GPR137B: variants seen among roughly 807,000 people sequenced by gnomAD.
The protein encoded by GPR137B is G protein-coupled receptor 137B.
GPR137B carries 42 observed loss-of-function variants against 42.5 expected under a neutral mutation model. The observed-to-expected ratio is 0.99, with a 90% CI of 0.77 to 1.28. The LOEUF is 1.28. GPR137B is among the 50% of genes most tolerant of loss of function. The pLI is 0.00. For missense variants in GPR137B, 487 were observed against 493.9 expected (o/e 0.99, Z 0.13); for synonymous variants, 218 against 209.7 (o/e 1.04, Z -0.34).
chr1:236,142,778 C>T lies in GPR137B; in HGVS notation c.156C>T (p.Phe52=). Residue 52 remains phenylalanine (F), a synonymous_variant, in exon 1 of 7, where the codon TTC becomes TTT. Coordinates refer to ENST00000366592, the MANE Select transcript of GPR137B (RefSeq NM_003272.4). ...GCCTCACCGTCGTCTACACCGTGTT[C>T]TACGCGCTGCTCTTCGTGTTCATCT... ...KLGLTVVYTV[F]YALLFVFIYV... 7 of 1,613,904 alleles carry T rather than the reference C, an allele frequency of 4.3e-6. No homozygotes were observed. Among genetic ancestry groups the T allele is most frequent in the Non-Finnish European group, 5.9e-6 (7 of 1,179,992 alleles).
Position 236,208,038 on chromosome 1 carries a change from TTTC to T in GPR137B, c.1092-9_1092-7del. On this transcript the variant is annotated splice_polypyrimidine_tract_variant and intron_variant, in intron 6 of 6. Coordinates refer to ENST00000366592, the MANE Select transcript of GPR137B (RefSeq NM_003272.4). Reference sequence around the variant, plus strand: ...ATGTTTCAAGTCACTGAAATATTTTTTTCTTTTTAAGTTTTGCTCCAGATTACT... The same window carrying T: ...ATGTTTCAAGTCACTGAAATATTTTTTTTTTAAGTTTTGCTCCAGATTACT... 1.3e-6 allele frequency: 2 copies of T among 1,594,464 alleles called. No homozygotes were observed. The highest frequency in any genetic ancestry group is 2.2e-5 in the East Asian group (1 of 44,736).
rs531369460 is a variant in GPR137B at position 236,208,071 on chromosome 1, T to C, written c.1113T>C (p.Asp371=). The change falls in exon 7 of 7, where the codon GAT becomes GAC. Residue 371 remains aspartate (D), a synonymous_variant. Coordinates refer to ENST00000366592, the MANE Select transcript of GPR137B (RefSeq NM_003272.4). ...LQGGFAPDYY[D]WGQQTNSFLA... ...TAAGTTTTGCTCCAGATTACTATGA[T>C]TGGGGACAACAAACTAACAGCTTCC... The C allele has an allele frequency of 1.2e-4, 191 of 1,612,952 alleles. 2 individuals are homozygous for C. In the South Asian group the frequency reaches 1.7e-3, roughly 15 times the overall value.
At position 236,208,338 on chromosome 1, in the gene GPR137B, A is replaced by G; in HGVS notation, c.*180A>G. ...TAGACTGATAAACCCTTATTTTAGT[A>G]CTAAAGAGGGAGCCTTGCTATTTCA... On this transcript the variant is annotated 3_prime_UTR_variant, in exon 7 of 7. Coordinates refer to ENST00000366592, the MANE Select transcript of GPR137B (RefSeq NM_003272.4). The G allele has an allele frequency of 2.3e-6, 3 of 1,315,200 alleles. No homozygotes were observed. The highest frequency in any genetic ancestry group is 2.9e-6 in the Non-Finnish European group (3 of 1,028,488). 81.5% of individuals were successfully genotyped at this position (1,315,200 alleles called of 1,614,324 possible).
intron 6 of GPR137B, chr1:236,207,297 C>T: frequency 2.0e-6 from 2 of 984,718 alleles, no homozygotes; most frequent in Non-Finnish European, 2.4e-6. Flanking sequence ...TGGAAGCAAG[C>T]CAACAAACAA....
chr1:236,146,965 C>A (rs1383287219), intron 1 of GPR137B, among the ~76,000 whole-genome samples: 1 of 152,156 alleles, frequency 6.6e-6, no homozygotes, highest in African/African-American at 2.4e-5. Context: ...TGCGCCACCA[C>A]GCCTGGCTAA....
In GPR137B at chr1:236,178,471, A is replaced by T; in HGVS notation, c.522A>T (p.Leu174Phe). 2 of 1,613,958 alleles carry T rather than the reference A, an allele frequency of 1.2e-6. No homozygotes were observed. Among genetic ancestry groups the T allele is most frequent in the Non-Finnish European group, 1.7e-6 (2 of 1,179,978 alleles). Residue 174 changes from leucine to phenylalanine, a missense_variant, in exon 3 of 7, where the codon TTA (leucine) becomes TTT (phenylalanine). Transcript: ENST00000366592. ...FISLVFLLVN[L>F]TCAVLVKTGN... is the part of the protein sequence containing the mutation. ...GCCTTGTTTTCCTGTTGGTGAATTT[A>T]ACCTGTGCTGTGCTGGTAAAGACGG...
intron 4 of GPR137B, among the ~76,000 whole-genome samples, chr1:236,183,061 C>A (rs577146497): frequency 9.2e-5 from 14 of 152,242 alleles, no homozygotes; most frequent in Non-Finnish European, 1.5e-4. Context: ...GTGTTTGGGC[C>A]TTTACGATTG....
chr1:236,207,354 C>T (rs1254205), intron 6 of GPR137B: 357,684 of 787,820 alleles, frequency 0.45, 80,776 homozygotes, highest in East Asian at 0.82. Context: ...CACTCAGATT[C>T]TGAGCTCCAC....
At chr1:236,180,174 G>A (rs1001673428) in intron 4 of GPR137B, 146 bp downstream of exon 4, 36 of 651,244 alleles carry the variant, frequency 5.5e-5, no homozygotes, top group East Asian at 1.9e-4. Flanking sequence ...TAACCTACAC[G>A]CATCCTTCTG....
At chr1:236,191,756 C>T (rs545600984) in intron 5 of GPR137B, among the ~76,000 whole-genome samples, 35 of 152,326 alleles carry the variant, frequency 2.3e-4, no homozygotes, top group African/African-American at 8.4e-4. Context: ...TATGAGGTGT[C>T]TGTCAGCCCC....
intron 5 of GPR137B, among the ~76,000 whole-genome samples, chr1:236,194,440 A>G (rs1233109390): frequency 6.6e-6 from 1 of 152,122 alleles, no homozygotes; most frequent in Non-Finnish European, 1.5e-5. Context: ...AAGGCAATCC[A>G]CCTTGTGTTA....
At chr1:236,159,002 A>G (rs1047043264) in intron 1 of GPR137B, among the ~76,000 whole-genome samples, 3 of 152,228 alleles carry the variant, frequency 2.0e-5, no homozygotes, top group Non-Finnish European at 4.4e-5. Flanking sequence ...CACAAAGAAT[A>G]GCAGGGGACA....
At chr1:236,184,881 C>T (rs1481109089) in intron 5 of GPR137B, among the ~76,000 whole-genome samples, 1 of 152,118 alleles carries the variant, frequency 6.6e-6, no homozygotes, top group Non-Finnish European at 1.5e-5. Flanking sequence ...ATTCTCCTGC[C>T]TCAGCCTCCC....
At chr1:236,168,893 A>G (rs1447523078) in intron 2 of GPR137B, 138 bp downstream of exon 2, 3 of 699,660 alleles carry the variant, frequency 4.3e-6, no homozygotes, top group Non-Finnish European at 7.9e-6. Flanking sequence ...CTGGCTGCCC[A>G]CATTGTGCAC....
intron 5 of GPR137B, among the ~76,000 whole-genome samples, chr1:236,190,672 T>C (rs1572000857): frequency 6.6e-6 from 1 of 152,154 alleles, no homozygotes; most frequent in African/African-American, 2.4e-5. Flanking sequence ...CACTCTCTTT[T>C]GGCTTGTAGG....
intron 3 of GPR137B, 33 bp downstream of exon 3, chr1:236,178,669 GAAACGTGTTCTA>G: frequency 7.6e-7 from 1 of 1,313,496 alleles, no homozygotes. Flanking sequence ...TCCCTCCCAT[GAAACGTGTTCTA>G]AAAAGAGTTT....
In GPR137B at chr1:236,171,903, A is replaced by G. The variant is rs1571982176; in HGVS notation, c.464+3148A>G. On this transcript the variant is annotated intron_variant, in intron 2 of 6. Coordinates refer to ENST00000366592, the MANE Select transcript of GPR137B (RefSeq NM_003272.4). This position sits in a 1 kb window ranked among gnomAD's most constrained non-coding sequence, Gnocchi z 4.4. ...AAAATACAAAAATTAGCCAGGCATGATGGCGCATGCCTGTAATCCCAGCTA... is the reference window on the plus strand; with the variant it reads ...AAAATACAAAAATTAGCCAGGCATGGTGGCGCATGCCTGTAATCCCAGCTA... Among the ~76,000 whole-genome samples, 1 of 152,058 alleles carries G rather than the reference A, an allele frequency of 6.6e-6. No homozygotes were observed. Among genetic ancestry groups the G allele is most frequent in the African/African-American group, 2.4e-5 (1 of 41,400 alleles).
At chr1:236,160,138 A>G (rs1030835977) in intron 1 of GPR137B, among the ~76,000 whole-genome samples, 1 of 152,228 alleles carries the variant, frequency 6.6e-6, no homozygotes, top group Non-Finnish European at 1.5e-5. Flanking sequence ...CCAGATGACA[A>G]ACTTCAGGGT....
chr1:236,194,748 A>G (rs1572004595), intron 5 of GPR137B, among the ~76,000 whole-genome samples: 1 of 152,188 alleles, frequency 6.6e-6, no homozygotes, highest in African/African-American at 2.4e-5. Context: ...AAAACTGGCA[A>G]TGACCTCTAG....
Sources: allele counts gnomAD v4.1 joint callset (sites outside exome capture counted in the v4.1 genomes callset), GRCh38; gene constraint gnomAD v4.1.1; non-coding constraint Gnocchi (gnomAD v3.1); transcripts MANE v1.5; gene names NCBI Gene and HGNC (gene_info 2026-07-23, HGNC 2026-07-21).